The following CACNA1C variants were observed in gnomAD, a reference collection of about 807,000 sequenced individuals.
The protein encoded by CACNA1C is voltage-dependent L-type calcium channel subunit alpha-1C.
CACNA1C carries 30 observed loss-of-function variants against 229.0 expected under a neutral mutation model. The ratio of observed to expected loss-of-function variants is 0.13; its 90% CI spans 0.10 to 0.18. The LOEUF is 0.18. CACNA1C is among the 10% of genes least tolerant of loss of function. The pLI is 1.00. For synonymous variants in CACNA1C, 1,114 were observed against 1,132.5 expected (o/e 0.98, Z 0.33); for missense variants, 1,658 against 2,845.0 (o/e 0.58, Z 9.49).
chr12:2,043,805 G>A lies in CACNA1C; in HGVS notation c.140-71419G>A, dbSNP rs796206628. Among the ~76,000 whole-genome samples the A allele has an allele frequency of 7.4e-5, 10 of 134,910 alleles. 2 individuals carry two copies. Among genetic ancestry groups the A allele is most frequent in the African/African-American group, 3.0e-4 (10 of 32,854 alleles). 88.5% of individuals were successfully genotyped at this position (134,910 alleles called of 152,430 possible). A position where few individuals can be genotyped will look rare whatever the true frequency, so the allele number is the denominator to read the frequency against. ...CCAGTAGCTGGGACTACAGGCGCCC[G>A]CCATTGCGCCCGGCTAATTTTTTGT... On this transcript the variant is annotated intron_variant, in intron 1 of 46. Transcript: ENST00000682462.
intron 3 of CACNA1C, among the ~76,000 whole-genome samples, chr12:2,184,629 A>C (rs1330129387): frequency 1.3e-5 from 2 of 152,176 alleles, no homozygotes; most frequent in Non-Finnish European, 2.9e-5. Context: ...CTGTTCATTT[A>C]TCTGTTCAAC....
chr12:2,366,483 G>A (rs1003872034), intron 3 of CACNA1C, among the ~76,000 whole-genome samples: 1 of 152,144 alleles, frequency 6.6e-6, no homozygotes, highest in African/African-American at 2.4e-5. Flanking sequence ...GGAAGCAGGT[G>A]TTACATGTAT....
chr12:2,565,205 A>G (rs566296325), intron 11 of CACNA1C, among the ~76,000 whole-genome samples: 7 of 151,648 alleles, frequency 4.6e-5, no homozygotes, highest in Non-Finnish European at 8.8e-5. Context: ...GCGGTGGCTC[A>G]CGCCTGTAAT....
At chr12:2,580,917 C>T (rs896233382) in intron 13 of CACNA1C, among the ~76,000 whole-genome samples, 1 of 152,160 alleles carries the variant, frequency 6.6e-6, no homozygotes, top group Non-Finnish European at 1.5e-5. Flanking sequence ...ATCTGGGCCC[C>T]AAACTACAGC....
In CACNA1C at chr12:2,441,806, C is replaced by G. The variant is rs185131460; in HGVS notation, c.478-7170C>G. Among the ~76,000 whole-genome samples, 4 of 152,326 alleles carry G rather than the reference C, an allele frequency of 2.6e-5. No individual in the cohort carries two copies. In the East Asian group the frequency reaches 7.7e-4, roughly 29 times the overall value. On this transcript the variant is annotated intron_variant, in intron 3 of 46. Transcript: ENST00000399655. The stretch of plus-strand genomic sequence containing the variant: ...TTTGTGTGTATTCTCTGTCCACACT[C>G]TGTCATATTGGCTCCCTGGACCCTC...
intron 9 of CACNA1C, 120 bp from the exon 10 acceptor site, chr12:2,549,823 G>C (rs2099893817): frequency 1.4e-6 from 1 of 719,548 alleles, no homozygotes; most frequent in Non-Finnish European, 2.5e-6. Flanking sequence ...AGCGTGCTCA[G>C]CCTCTCTTTC....
intron 3 of CACNA1C, among the ~76,000 whole-genome samples, chr12:2,290,814 CTGAGA>C (rs1337077421): frequency 2.6e-5 from 4 of 152,214 alleles, no homozygotes; most frequent in African/African-American, 9.6e-5. Flanking sequence ...TCCCAGGGAT[CTGAGA>C]CGTGTTCCAG....
intron 5 of CACNA1C, among the ~76,000 whole-genome samples, chr12:2,464,144 A>T (rs1194675618): frequency 6.6e-6 from 1 of 151,998 alleles, no homozygotes; most frequent in Non-Finnish European, 1.5e-5. Context: ...TTTGACGAAA[A>T]CTCAGAGCAA....
At chr12:2,439,062 AC>A (rs1408866982) in intron 3 of CACNA1C, among the ~76,000 whole-genome samples, 2 of 152,130 alleles carry the variant, frequency 1.3e-5, no homozygotes, top group East Asian at 1.9e-4. Flanking sequence ...AGAGGTAATC[AC>A]CATGAGCACA....
At chr12:2,196,603 G>T (rs2097411080) in intron 3 of CACNA1C, among the ~76,000 whole-genome samples, 1 of 152,250 alleles carries the variant, frequency 6.6e-6, no homozygotes, top group South Asian at 2.1e-4. Flanking sequence ...ATAATGGAAA[G>T]TAGTATTTTT....
At chr12:2,304,085 G>C (rs118027305) in intron 3 of CACNA1C, among the ~76,000 whole-genome samples, 9 of 152,248 alleles carry the variant, frequency 5.9e-5, no homozygotes, top group Non-Finnish European at 1.3e-4. Flanking sequence ...GGAGATACTT[G>C]GGCTCCCTTG....
Position 1,975,113 on chromosome 12 carries a change from GAA to G in CACNA1C, c.139+3915_139+3916del, listed in dbSNP as rs1205597661. On this transcript the variant is annotated intron_variant, in intron 1 of 46. Coordinates refer to the CACNA1C transcript ENST00000682462. ...AGCCTAGTGCTACTTCCTGATTAAA[GAA>G]AAGTCAGAGTTTCTTTATTTTTTCA... Among the ~76,000 whole-genome samples, 3 of 152,102 alleles carry G rather than the reference GAA, an allele frequency of 2.0e-5. No homozygotes were observed. In the East Asian group the frequency reaches 5.8e-4, roughly 29 times the overall value.
intron 42 of CACNA1C, chr12:2,680,302 G>C (rs1264750671): frequency 7.1e-6 from 9 of 1,274,840 alleles, no homozygotes; most frequent in East Asian, 2.5e-5. Flanking sequence ...TGGAGGTCTT[G>C]ACTGTACCTC....
At chr12:2,075,668 A>C (rs906264392) in intron 1 of CACNA1C, among the ~76,000 whole-genome samples, 1 of 152,172 alleles carries the variant, frequency 6.6e-6, no homozygotes, top group Non-Finnish European at 1.5e-5. Context: ...AAGCCTGTGG[A>C]TACTGCCCTG....
In CACNA1C at chr12:2,355,457, C is replaced by T. The variant is rs980081048; in HGVS notation, c.478-93519C>T. Among the ~76,000 whole-genome samples the T allele has an allele frequency of 6.2e-4, 94 of 152,144 alleles. 1 individual carries two copies. Among genetic ancestry groups the T allele is most frequent in the African/African-American group, 2.1e-3 (88 of 41,430 alleles). On this transcript the variant is annotated intron_variant, in intron 3 of 46. Transcript: ENST00000399655. ...AGTATTTTCAGAAGTTCACTGTAGC[C>T]TGCAGGTTATGCCAAGTCCCTTGAC...
intron 3 of CACNA1C, among the ~76,000 whole-genome samples, chr12:2,217,298 A>AT (rs1430194652): frequency 6.6e-6 from 1 of 152,196 alleles, no homozygotes. Context: ...AGGATTTCAG[A>AT]TTTTCAGGAA....
At chr12:2,015,874 T>C (rs2045279460) in intron 1 of CACNA1C, among the ~76,000 whole-genome samples, 1 of 152,226 alleles carries the variant, frequency 6.6e-6, no homozygotes, top group Non-Finnish European at 1.5e-5. Context: ...GCTAATCATA[T>C]CTATTTGGTA....
intron 1 of CACNA1C, chr12:1,992,044 T>TATA: frequency 2.8e-6 from 1 of 353,540 alleles, no homozygotes; most frequent in African/African-American, 2.2e-5. Flanking sequence ...CAATTCAAAC[T>TATA]GGCATTTCTG....
At chr12:2,236,113 T>G (rs963917341) in intron 3 of CACNA1C, among the ~76,000 whole-genome samples, 4 of 152,176 alleles carry the variant, frequency 2.6e-5, no homozygotes, top group African/African-American at 9.7e-5. Context: ...TAAGTTCCAT[T>G]CCATCTCAGC....
Sources: gnomAD v4.1 joint callset for allele counts (sites outside exome capture counted in the v4.1 genomes callset) on GRCh38, gnomAD v4.1.1 for gene constraint, MANE v1.5 for transcripts, NCBI Gene and HGNC (gene_info 2026-07-23, HGNC 2026-07-21) for gene names.